Variants in FRA10AC1 observed in about 807,000 individuals in gnomAD.
FRA10AC1 encodes the protein FRA10A associated CGG repeat 1.
Under a neutral mutation model 56.5 loss-of-function variants are expected in FRA10AC1, and 43 were observed. The observed-to-expected ratio is 0.76, with a 90% CI of 0.60 to 0.98. The LOEUF is 0.98. Ranked by LOEUF, FRA10AC1 falls within the 50% of genes least tolerant of loss-of-function variation. The probability of loss-of-function intolerance (pLI) is 0.00; values close to 1 mark genes in which losing one functional copy is unlikely to be tolerated. For missense variants in FRA10AC1, 346 were observed against 351.8 expected (o/e 0.98, Z 0.13); for synonymous variants, 112 against 110.5 (o/e 1.01, Z -0.09).
At position 93,698,362 on chromosome 10, in the gene FRA10AC1, A is replaced by G. The variant is rs758291299; in HGVS notation, c.112T>C (p.Phe38Leu). The G allele has an allele frequency of 1.9e-6, 3 of 1,611,914 alleles. No homozygotes were observed. The South Asian group carries it at 3.3e-5, about 18-fold the overall frequency. ...ACCTTTCCATGTTTTTCTTTCTGAA[A>G]TGGTTTTTGGAGCAGTAAGTCATCT... ...VEDDLLLQKP[F>L]QKEKHGKVAH... The change falls in exon 3 of 14, where the codon TTT (phenylalanine) becomes CTT (leucine). Residue 38 changes from phenylalanine to leucine, a missense_variant. Physicochemically the swap from Phe to Leu is conservative, Grantham distance 22. Transcript: ENST00000359204.
rs539053210 is a variant in FRA10AC1, at chr10:93,699,983, A to T, written c.77+47T>A. 7 of 1,007,754 alleles carry T rather than the reference A, an allele frequency of 6.9e-6. No individual in the cohort carries two copies. The South Asian group carries it at 8.1e-5, about 12-fold the overall frequency. 62.4% of individuals were successfully genotyped at this position (1,007,754 alleles called of 1,614,324 possible). The stretch of plus-strand genomic sequence containing the variant: ...TCTTGTTTATTTATACTTCATATTA[A>T]TCTAGAAAGGATGTGAAAAATAGAT... On this transcript the variant is annotated intron_variant, in intron 2 of 13. Coordinates refer to ENST00000359204, the MANE Select transcript of FRA10AC1 (RefSeq NM_145246.5).
intron 2 of FRA10AC1, among the ~76,000 whole-genome samples, chr10:93,699,377 C>A (rs2059290315): frequency 6.6e-6 from 1 of 152,000 alleles, no homozygotes; most frequent in Non-Finnish European, 1.5e-5. Context: ...CAGTCAACAG[C>A]CGTGTAAGTT....
chr10:93,681,740 G>A lies in FRA10AC1; in HGVS notation c.669-142C>T, dbSNP rs568951794. ...TTATATAATAAGGAACGTTAAGTGAGACTGTAAATATTTTATGCTTGTATA... is the reference window on the plus strand; with the variant it reads ...TTATATAATAAGGAACGTTAAGTGAAACTGTAAATATTTTATGCTTGTATA... On this transcript the variant is annotated intron_variant, in intron 10 of 13. Transcript: ENST00000359204. 185 of 689,082 alleles carry A rather than the reference G, an allele frequency of 2.7e-4. 1 individual carries two copies. Among genetic ancestry groups the A allele is most frequent in the Admixed American group, 2.3e-3 (55 of 24,316 alleles). The allele number at this position is 689,082 out of a possible 1,614,324, so 42.7% of individuals were successfully genotyped here. A position where few individuals can be genotyped will look rare whatever the true frequency, so the allele number is the denominator to read the frequency against.
In FRA10AC1 at chr10:93,685,249, AT is replaced by A. The variant is rs750462341; in HGVS notation, c.621del (p.Lys207AsnfsTer2). 1 of 1,425,080 alleles carries A rather than the reference AT, an allele frequency of 7.0e-7. No individual in the cohort carries two copies. Among genetic ancestry groups the A allele is most frequent in the African/African-American group, 1.4e-5 (1 of 70,538 alleles). The allele number at this position is 1,425,080 out of a possible 1,614,324, so 88.3% of individuals were successfully genotyped here. ...EHGEKRNALV[K>X]LRLCQECSIK... is the part of the protein sequence containing the mutation. Reference sequence around the variant, plus strand: ...ATACCCCCTAAAATCAACTTACTTAATTTAACAAGTGCATTTCTCTTCTCAC... The same window carrying A: ...ATACCCCCTAAAATCAACTTACTTAATTAACAAGTGCATTTCTCTTCTCAC... On this transcript the variant is annotated frameshift_variant, in exon 9 of 14. Transcript: ENST00000359204. LOFTEE classifies it high-confidence loss of function.
intron 12 of FRA10AC1, chr10:93,673,166 A>C: frequency 3.0e-6 from 1 of 333,082 alleles, no homozygotes; most frequent in Non-Finnish European, 5.8e-6. Context: ...TTTGTCAGAC[A>C]GTTCTAAGGG....
At chr10:93,688,372 T>G (rs2133922198) in intron 7 of FRA10AC1, among the ~76,000 whole-genome samples, 1 of 152,220 alleles carries the variant, frequency 6.6e-6, no homozygotes, top group East Asian at 1.9e-4. Flanking sequence ...GATGAACAGG[T>G]GGAGCACAGA....
rs1589711439 is a variant in FRA10AC1, at chr10:93,670,715, T to C, written c.905+55A>G. On this transcript the variant is annotated intron_variant, in intron 13 of 13. Coordinates refer to ENST00000359204, the MANE Select transcript of FRA10AC1 (RefSeq NM_145246.5). ...TTTTCCATTAATAAAGCTGTGGTTA[T>C]AGCTTCCTAAACTGATTGAAAAGGT... 5.3e-6 allele frequency: 6 copies of C among 1,141,352 alleles called. No homozygotes were observed. In the East Asian group the frequency reaches 1.2e-4, roughly 22 times the overall value. 70.7% of individuals were successfully genotyped at this position (1,141,352 alleles called of 1,614,324 possible).
chr10:93,679,085 T>G (rs1219772993), intron 11 of FRA10AC1, among the ~76,000 whole-genome samples: 8 of 152,188 alleles, frequency 5.3e-5, no homozygotes, highest in Non-Finnish European at 7.4e-5. Context: ...AAAAGTTTGC[T>G]AAAATTTTGT....
intron 13 of FRA10AC1, among the ~76,000 whole-genome samples, chr10:93,670,478 G>A (rs1452209911): frequency 6.6e-6 from 1 of 152,112 alleles, no homozygotes; most frequent in Admixed American, 6.6e-5. Context: ...CAGTATGATG[G>A]AATAGGCTTC....
At chr10:93,693,089 T>C (rs1192078323) in intron 5 of FRA10AC1, among the ~76,000 whole-genome samples, 1 of 151,922 alleles carries the variant, frequency 6.6e-6, no homozygotes, top group African/African-American at 2.4e-5. Flanking sequence ...AGATTTAATT[T>C]TAAAAAATAT....
chr10:93,681,605 G>A lies in FRA10AC1; in HGVS notation c.669-7C>T. ...TGACTTGATTTCTTTTCTCCTTTGTGTTAAACAATATAAAATTAAAGTTAA... is the reference window on the plus strand; with the variant it reads ...TGACTTGATTTCTTTTCTCCTTTGTATTAAACAATATAAAATTAAAGTTAA... On this transcript the variant is annotated splice_polypyrimidine_tract_variant and splice_region_variant and intron_variant, in intron 10 of 13. Coordinates refer to ENST00000359204, the MANE Select transcript of FRA10AC1 (RefSeq NM_145246.5). 2 of 1,487,870 alleles carry A rather than the reference G, an allele frequency of 1.3e-6. No individual in the cohort carries two copies. The highest frequency in any genetic ancestry group is 1.5e-5 in the African/African-American group (1 of 68,250). 92.2% of individuals were successfully genotyped at this position (1,487,870 alleles called of 1,614,324 possible).
At chr10:93,701,749 C>T (rs1054987373) in intron 1 of FRA10AC1, among the ~76,000 whole-genome samples, 2 of 152,140 alleles carry the variant, frequency 1.3e-5, no homozygotes, top group Non-Finnish European at 2.9e-5. Context: ...TGTCCTCTCA[C>T]TCTTTGTCCT....
At chr10:93,672,166 G>A in intron 12 of FRA10AC1, 1 of 387,162 alleles carries the variant, frequency 2.6e-6, no homozygotes, top group East Asian at 8.0e-5. Context: ...AAATAAAACA[G>A]CATTGATTTG....
At chr10:93,690,208 G>A (rs990047171) in intron 7 of FRA10AC1, among the ~76,000 whole-genome samples, 9 of 151,890 alleles carry the variant, frequency 5.9e-5, no homozygotes, top group African/African-American at 1.7e-4. Flanking sequence ...CCTCAAACAT[G>A]GTATGCCAAA....
intron 8 of FRA10AC1, among the ~76,000 whole-genome samples, chr10:93,686,681 A>T (rs1265710609): frequency 1.3e-5 from 2 of 151,842 alleles, no homozygotes; most frequent in African/African-American, 4.8e-5. Context: ...TTAATCATTT[A>T]AAAATGTAAT....
intron 10 of FRA10AC1, among the ~76,000 whole-genome samples, chr10:93,682,076 G>A: frequency 6.6e-6 from 1 of 152,148 alleles, no homozygotes; most frequent in Non-Finnish European, 1.5e-5. Context: ...ATAATGGAAT[G>A]AAAATGGAAA....
At chr10:93,698,667 T>C (rs1234964459) in intron 2 of FRA10AC1, among the ~76,000 whole-genome samples, 1 of 152,214 alleles carries the variant, frequency 6.6e-6, no homozygotes, top group Non-Finnish European at 1.5e-5. Flanking sequence ...ATCCTAATTC[T>C]GTCAATTACT....
At chr10:93,679,979 T>C (rs1297210032) in intron 11 of FRA10AC1, among the ~76,000 whole-genome samples, 1 of 152,282 alleles carries the variant, frequency 6.6e-6, no homozygotes, top group East Asian at 1.9e-4. Flanking sequence ...TCAACATAGG[T>C]GTCATCTACT....
chr10:93,687,517 C>A, intron 7 of FRA10AC1, 68 bp from the exon 8 acceptor site: 2 of 1,318,018 alleles, frequency 1.5e-6, no homozygotes, highest in Non-Finnish European at 2.0e-6. Context: ...AACATGGAGC[C>A]AACAATGACA....
Sources: gnomAD v4.1 joint callset for allele counts (sites outside exome capture counted in the v4.1 genomes callset) on GRCh38, gnomAD v4.1.1 for gene constraint, MANE v1.5 for transcripts, NCBI Gene and HGNC (gene_info 2026-07-23, HGNC 2026-07-21) for gene names.